CDKN2B-AS1: variants seen among roughly 807,000 people sequenced by gnomAD.
CDKN2B-AS1 encodes the protein CDKN2B and CDKN2A antisense cis and trans regulatory RNA 1.
Position 22,009,044 on chromosome 9 carries a change from G to A in CDKN2B-AS1, n.29+13883G>A, listed in dbSNP as rs150655569. 512 of 1,575,644 alleles carry A rather than the reference G, an allele frequency of 3.2e-4. 4 individuals are homozygous for A. The South Asian group carries it at 5.2e-3, about 16-fold the overall frequency. ...TTCCCTTCTTTCCCACGCTGCTCCG[G>A]CGCACTCTCTCCTTCCTAGGAGACC... On this transcript the variant is annotated intron_variant and non_coding_transcript_variant, in intron 1 of 4. Transcript: ENST00000650946.
In CDKN2B-AS1 at chr9:21,996,254, T is replaced by C. The variant is rs1221027286; in HGVS notation, n.29+1093T>C. 2.6e-5 allele frequency among the ~76,000 whole-genome samples: 4 copies of C among 152,046 alleles called. No individual in the cohort carries two copies. The East Asian group carries it at 5.8e-4, about 22-fold the overall frequency. On this transcript the variant is annotated intron_variant and non_coding_transcript_variant, in intron 1 of 4. Coordinates refer to ENST00000650946, the Ensembl canonical transcript of CDKN2B-AS1. This position sits in a 1 kb window ranked among gnomAD's most constrained non-coding sequence, Gnocchi z 5.4. The stretch of plus-strand genomic sequence containing the variant: ...CAAACCCAAGACAAAACGGGGCCCT[T>C]TGGAAAAAGTGAGATTTAGCGATCA...
chr9:22,022,325 T>C (rs963935753), intron 1 of CDKN2B-AS1, among the ~76,000 whole-genome samples: 1 of 152,114 alleles, frequency 6.6e-6, no homozygotes, highest in Admixed American at 6.5e-5. Flanking sequence ...TGATTATGAA[T>C]CTGGGTGTTC....
intron 4 of CDKN2B-AS1, among the ~76,000 whole-genome samples, chr9:22,093,164 T>TTTGA (rs1451438530): frequency 8.8e-5 from 13 of 147,824 alleles, no homozygotes; most frequent in East Asian, 4.0e-4. Context: ...TGAGTTCTAG[T>TTTGA]TTGCACTGTG....
intron 1 of CDKN2B-AS1, among the ~76,000 whole-genome samples, chr9:22,038,727 A>G (rs1822787410): frequency 6.6e-6 from 1 of 152,074 alleles, no homozygotes; most frequent in Admixed American, 6.6e-5. Flanking sequence ...AGAGACCAAC[A>G]ATGCTGATGC....
chr9:22,029,661 G>A (rs1422408745), intron 1 of CDKN2B-AS1: 3 of 507,990 alleles, frequency 5.9e-6, no homozygotes, highest in Non-Finnish European at 1.1e-5. Context: ...TTGGGGAAAT[G>A]TTCTCTTCCA....
At chr9:22,105,047 C>T (rs1026837200) in intron 4 of CDKN2B-AS1, among the ~76,000 whole-genome samples, 4 of 152,294 alleles carry the variant, frequency 2.6e-5, no homozygotes, top group Admixed American at 2.0e-4. Context: ...GGTATTCTGA[C>T]TAGAAGCTTG....
chr9:22,011,440 T>C (rs904938772), intron 1 of CDKN2B-AS1, among the ~76,000 whole-genome samples: 9 of 152,226 alleles, frequency 5.9e-5, no homozygotes, highest in Non-Finnish European at 2.9e-5. Context: ...GTGGCATGTG[T>C]CCATATTTCA....
At chr9:22,084,522 A>T (rs1824801891) in intron 4 of CDKN2B-AS1, among the ~76,000 whole-genome samples, 2 of 152,110 alleles carry the variant, frequency 1.3e-5, no homozygotes, top group Non-Finnish European at 2.9e-5. Flanking sequence ...GTCTAACAGC[A>T]TGTGGGTAGG....
At chr9:22,069,145 G>A (rs16905599) in intron 4 of CDKN2B-AS1, among the ~76,000 whole-genome samples, 21,806 of 152,074 alleles carry the variant, frequency 0.14, 2,017 homozygotes, top group Admixed American at 0.26. Context: ...TGGGAAATGG[G>A]TAGGTCATAC....
exon 3 of CDKN2B-AS1, chr9:22,049,180 GATCTATTTGGAATGT>G (rs1021156593): frequency 6.6e-6 from 1 of 152,144 alleles, no homozygotes; most frequent in African/African-American, 2.4e-5. Context: ...AAACCGGGGA[GATCTATTTGGAATGT>G]ATCTAACTCC....
chr9:22,073,045 A>G (rs564480742), intron 4 of CDKN2B-AS1, among the ~76,000 whole-genome samples: 2 of 152,130 alleles, frequency 1.3e-5, no homozygotes, highest in Non-Finnish European at 2.9e-5. Flanking sequence ...TTTTTTGCAC[A>G]GTGAAAATTG....
At chr9:22,053,732 T>C (rs989831529) in intron 3 of CDKN2B-AS1, among the ~76,000 whole-genome samples, 11 of 152,200 alleles carry the variant, frequency 7.2e-5, no homozygotes, top group African/African-American at 2.7e-4. Flanking sequence ...GGAAATACAG[T>C]ATACTACTAT....
chr9:22,030,909 T>A (rs1020301915), intron 1 of CDKN2B-AS1: 1 of 152,064 alleles, frequency 6.6e-6, no homozygotes, highest in Non-Finnish European at 1.5e-5. Context: ...GACAAAAAAA[T>A]TTAGAATTGA....
rs530289968 is a variant in CDKN2B-AS1, at chr9:22,000,103, T to C, written n.29+4942T>C. On this transcript the variant is annotated intron_variant and non_coding_transcript_variant, in intron 1 of 4. Transcript: ENST00000650946. The surrounding 1 kb of genome is among the most constrained non-coding windows in gnomAD (Gnocchi z 4.1). ...TATTAAATAACAACCACAGGAATAT[T>C]GGGGCTCAAACCTAGAGATTCTAAT... Among the ~76,000 whole-genome samples the C allele has an allele frequency of 1.4e-4, 22 of 152,278 alleles. No homozygotes were observed. The highest frequency in any genetic ancestry group is 2.6e-4 in the Non-Finnish European group (18 of 67,980).
At chr9:22,048,775 A>C (rs908869988) in intron 2 of CDKN2B-AS1, among the ~76,000 whole-genome samples, 1 of 152,090 alleles carries the variant, frequency 6.6e-6, no homozygotes, top group Non-Finnish European at 1.5e-5. Flanking sequence ...GCTCTGTGAA[A>C]ATTTTGCATT....
At chr9:22,095,417 A>G (rs1476177435) in intron 4 of CDKN2B-AS1, among the ~76,000 whole-genome samples, 3 of 144,620 alleles carry the variant, frequency 2.1e-5, no homozygotes, top group Non-Finnish European at 4.4e-5. Context: ...TGAGTTTCTT[A>G]ATCTTGAGTT....
In CDKN2B-AS1 at chr9:22,060,924, A is replaced by G. The variant is rs1823791066; in HGVS notation, n.438+4537A>G. Reference sequence around the variant, plus strand: ...AAAGATCGGCCCTCGGGATTCAGTTACCTCACCCTGGATACCTCCCACAAA... The same window carrying G: ...AAAGATCGGCCCTCGGGATTCAGTTGCCTCACCCTGGATACCTCCCACAAA... On this transcript the variant is annotated intron_variant and non_coding_transcript_variant, in intron 4 of 4. Transcript: ENST00000650946. 2.0e-5 allele frequency among the ~76,000 whole-genome samples: 3 copies of G among 152,280 alleles called. No individual in the cohort carries two copies. The South Asian group carries it at 6.2e-4, about 32-fold the overall frequency.
chr9:22,049,483 C>T (rs200731147), intron 3 of CDKN2B-AS1, among the ~76,000 whole-genome samples: 2 of 151,930 alleles, frequency 1.3e-5, no homozygotes, highest in Non-Finnish European at 2.9e-5. Context: ...TTTTAGGACT[C>T]TCTGCACACT....
At chr9:22,015,958 T>C (rs1247466226) in intron 1 of CDKN2B-AS1, among the ~76,000 whole-genome samples, 1 of 152,362 alleles carries the variant, frequency 6.6e-6, no homozygotes, top group African/African-American at 2.4e-5. Flanking sequence ...TTTTTTCTTG[T>C]AAATTTGTTT....
Sources: allele counts gnomAD v4.1 joint callset (sites outside exome capture counted in the v4.1 genomes callset), GRCh38; gene constraint gnomAD v4.1.1; non-coding constraint Gnocchi (gnomAD v3.1); transcripts MANE v1.5; gene names NCBI Gene and HGNC (gene_info 2026-07-23, HGNC 2026-07-21).